MAPKAP1: variants seen among roughly 807,000 people sequenced by gnomAD.
The protein encoded by MAPKAP1 is MAPK associated protein 1, also known as target of rapamycin complex 2 subunit MAPKAP1.
MAPKAP1 carries 20 observed loss-of-function variants against 65.7 expected under a neutral mutation model. The observed-to-expected ratio is 0.30, with a 90% CI of 0.21 to 0.44. The LOEUF is 0.44. Ranked by LOEUF, MAPKAP1 falls within the 20% of genes least tolerant of loss-of-function variation. The pLI, the probability that MAPKAP1 is intolerant of heterozygous loss-of-function variation, is 1.00. For synonymous variants in MAPKAP1, 222 were observed against 244.3 expected (o/e 0.91, Z 0.85); for missense variants, 423 against 648.0 (o/e 0.65, Z 3.77).
chr9:125,571,152 G>A (rs2131538866), intron 5 of MAPKAP1, among the ~76,000 whole-genome samples: 1 of 152,164 alleles, frequency 6.6e-6, no homozygotes, highest in East Asian at 1.9e-4. Flanking sequence ...ATGTGTTATT[G>A]GTATATGTTC....
At chr9:125,649,869 C>G (rs1397853318) in intron 4 of MAPKAP1, among the ~76,000 whole-genome samples, 1 of 151,798 alleles carries the variant, frequency 6.6e-6, no homozygotes, top group Non-Finnish European at 1.5e-5. Flanking sequence ...GATTCTATGC[C>G]CAGCTAGGTG....
intron 9 of MAPKAP1, among the ~76,000 whole-genome samples, chr9:125,478,806 T>G (rs1564525092): frequency 4.6e-5 from 7 of 152,184 alleles, no homozygotes; most frequent in Admixed American, 4.6e-4. Flanking sequence ...GTGGTTTACA[T>G]AAACCACGTT....
intron 4 of MAPKAP1, among the ~76,000 whole-genome samples, chr9:125,627,463 T>C (rs921661692): frequency 6.6e-6 from 1 of 152,178 alleles, no homozygotes; most frequent in Non-Finnish European, 1.5e-5. Flanking sequence ...TCTCTAATCT[T>C]TCCAGTTTTA....
chr9:125,612,809 C>CA (rs1374158595), intron 4 of MAPKAP1, among the ~76,000 whole-genome samples: 1 of 152,180 alleles, frequency 6.6e-6, no homozygotes, highest in Non-Finnish European at 1.5e-5. Flanking sequence ...GGAAAGTCAC[C>CA]ATCCTCACAG....
intron 4 of MAPKAP1, among the ~76,000 whole-genome samples, chr9:125,648,053 TA>T (rs1833781312): frequency 6.6e-6 from 1 of 151,982 alleles, no homozygotes; most frequent in Non-Finnish European, 1.5e-5. Context: ...AGTCCACTGC[TA>T]AAGGAAAAAC....
At chr9:125,603,411 CA>C (rs11325910) in intron 4 of MAPKAP1, among the ~76,000 whole-genome samples, 131,939 of 152,128 alleles carry the variant, frequency 0.87, 58,812 homozygotes, top group East Asian at 1. Context: ...GATGGGCGAG[CA>C]AGCACATGAC....
chr9:125,662,422 G>A (rs959711592), intron 3 of MAPKAP1, among the ~76,000 whole-genome samples: 3 of 152,214 alleles, frequency 2.0e-5, no homozygotes, highest in Non-Finnish European at 4.4e-5. Context: ...GGTGGCTCAC[G>A]CCTGTAATCC....
chr9:125,597,075 A>ATG (rs1832152605), intron 4 of MAPKAP1, among the ~76,000 whole-genome samples: 1 of 151,776 alleles, frequency 6.6e-6, no homozygotes, highest in African/African-American at 2.4e-5. Flanking sequence ...ATCCTGGCTA[A>ATG]CAAAGTGAAA....
intron 10 of MAPKAP1, among the ~76,000 whole-genome samples, chr9:125,459,141 C>T (rs1281923435): frequency 3.5e-5 from 4 of 114,704 alleles, no homozygotes; most frequent in Admixed American, 1.7e-4. Flanking sequence ...CAGACGGGGT[C>T]GCGGCCGGGC....
chr9:125,652,996 A>G (rs1480916971), intron 4 of MAPKAP1, among the ~76,000 whole-genome samples: 1 of 152,218 alleles, frequency 6.6e-6, no homozygotes, highest in African/African-American at 2.4e-5. Flanking sequence ...TCACTGCCCC[A>G]TCGTCAGTGC....
chr9:125,629,052 AAAACAC>A (rs1291927153), intron 4 of MAPKAP1, among the ~76,000 whole-genome samples: 7 of 95,322 alleles, frequency 7.3e-5, no homozygotes, highest in African/African-American at 2.9e-4. Flanking sequence ...GGTCACTGTC[AAAACAC>A]ACACACACAC....
chr9:125,652,345 C>T, intron 4 of MAPKAP1: 1 of 840,798 alleles, frequency 1.2e-6, no homozygotes, highest in Non-Finnish European at 1.5e-6. Flanking sequence ...GTGTTAATTG[C>T]CACAGCATTC....
intron 4 of MAPKAP1, among the ~76,000 whole-genome samples, chr9:125,636,886 T>G (rs1280440176): frequency 6.6e-6 from 1 of 152,188 alleles, no homozygotes; most frequent in East Asian, 1.9e-4. Flanking sequence ...ACTCACACCT[T>G]AGCCCAAAAA....
chr9:125,546,161 G>A (rs1364076604), intron 6 of MAPKAP1, among the ~76,000 whole-genome samples: 5 of 152,198 alleles, frequency 3.3e-5, no homozygotes, highest in Admixed American at 6.5e-5. Context: ...ACAGCGAAGG[G>A]AAGGGGCACA....
intron 2 of MAPKAP1, among the ~76,000 whole-genome samples, chr9:125,670,387 A>G (rs1479092026): frequency 6.6e-6 from 1 of 152,200 alleles, no homozygotes; most frequent in Non-Finnish European, 1.5e-5. Flanking sequence ...AAAAATCATG[A>G]AAATTATAAA....
chr9:125,473,866 C>A (rs1359086383), intron 9 of MAPKAP1, among the ~76,000 whole-genome samples: 1 of 152,156 alleles, frequency 6.6e-6, no homozygotes, highest in African/African-American at 2.4e-5. Context: ...TGTCAGCCTT[C>A]CTACTTCCTA....
chr9:125,687,671 T>C (rs918422764), intron 1 of MAPKAP1, among the ~76,000 whole-genome samples: 3 of 151,808 alleles, frequency 2.0e-5, no homozygotes, highest in Non-Finnish European at 4.4e-5. Flanking sequence ...TGTAGTTCTA[T>C]CTACACAGGA....
rs895524961 is a variant in MAPKAP1 at position 125,438,691 on chromosome 9, C to T, written c.*196G>A. On this transcript the variant is annotated 3_prime_UTR_variant, in exon 12 of 12. Transcript: ENST00000265960. ...ATCAAAGCCACTGCCAAGCAGACTT[C>T]CGTCCCATGGCAATGTCCCCAGCGC... 6.5e-6 allele frequency: 4 copies of T among 617,152 alleles called. No homozygotes were observed. Among genetic ancestry groups the T allele is most frequent in the African/African-American group, 5.5e-5 (3 of 54,142 alleles). The allele number at this position is 617,152 out of a possible 1,614,324, so 38.2% of individuals were successfully genotyped here.
intron 5 of MAPKAP1, among the ~76,000 whole-genome samples, chr9:125,560,852 C>T (rs1830872000): frequency 1.3e-5 from 2 of 152,214 alleles, no homozygotes; most frequent in Non-Finnish European, 1.5e-5. Flanking sequence ...AGATTGCAGT[C>T]TTGCCCAGTT....
Sources: allele counts gnomAD v4.1 joint callset (sites outside exome capture counted in the v4.1 genomes callset), GRCh38; gene constraint gnomAD v4.1.1; transcripts MANE v1.5; gene names NCBI Gene and HGNC (gene_info 2026-07-23, HGNC 2026-07-21).